The following ELMO1 variants were observed in gnomAD, a reference collection of about 807,000 sequenced individuals.
ELMO1 encodes engulfment and cell motility protein 1.
A neutral mutation model predicts 98.9 loss-of-function variants in ELMO1; 26 were observed. The ratio of observed to expected loss-of-function variants is 0.26; its 90% CI spans 0.19 to 0.36. The LOEUF (loss-of-function observed/expected upper bound fraction) is 0.36. Ranked by LOEUF, ELMO1 falls within the 10% of genes least tolerant of loss-of-function variation. The probability of loss-of-function intolerance (pLI) is 1.00; values close to 1 mark genes in which losing one functional copy is unlikely to be tolerated. For synonymous variants in ELMO1, 346 were observed against 346.0 expected (o/e 1.00, Z 0.00); for missense variants, 627 against 935.2 (o/e 0.67, Z 4.30).
intron 3 of ELMO1, 104 bp downstream of exon 3, chr7:37,315,816 G>A: frequency 1.9e-6 from 2 of 1,030,904 alleles, no homozygotes; most frequent in South Asian, 2.8e-5. Context: ...GAGCAAGTCA[G>A]TGGGTGACTT....
intron 11 of ELMO1, among the ~76,000 whole-genome samples, chr7:37,214,681 T>C (rs1584820002): frequency 1.3e-5 from 2 of 152,062 alleles, no homozygotes; most frequent in African/African-American, 4.8e-5. Context: ...TAACGGATGG[T>C]TAGGAGCAAA....
chr7:37,343,480 C>A (rs867511469), intron 1 of ELMO1, among the ~76,000 whole-genome samples: 1 of 144,844 alleles, frequency 6.9e-6, no homozygotes, highest in Middle Eastern at 3.6e-3. Flanking sequence ...CCCAGGCTAG[C>A]CCATTTCTTT....
chr7:37,206,434 T>C (rs1041131817), intron 13 of ELMO1, among the ~76,000 whole-genome samples: 1 of 152,214 alleles, frequency 6.6e-6, no homozygotes, highest in Non-Finnish European at 1.5e-5. Flanking sequence ...TGAAGCCTAG[T>C]AGCATTTAGA....
At chr7:37,251,442 T>C (rs1475181311) in intron 6 of ELMO1, among the ~76,000 whole-genome samples, 3 of 152,230 alleles carry the variant, frequency 2.0e-5, no homozygotes, top group Non-Finnish European at 4.4e-5. Context: ...ACTGTTCCTC[T>C]GTTACTGACT....
chr7:37,351,606 T>C (rs1010097240), intron 1 of ELMO1, among the ~76,000 whole-genome samples: 1 of 152,172 alleles, frequency 6.6e-6, no homozygotes, highest in African/African-American at 2.4e-5. Context: ...TTCCTTCAGT[T>C]CTCTGTACTA....
chr7:37,093,852 G>A (rs1278613690), intron 15 of ELMO1, among the ~76,000 whole-genome samples: 1 of 152,216 alleles, frequency 6.6e-6, no homozygotes, highest in Non-Finnish European at 1.5e-5. Flanking sequence ...GGGCTTTGCA[G>A]ATGATGGCAA....
rs1351382543 is a variant in ELMO1 at position 37,167,242 on chromosome 7, G to A, written c.1087-34008C>T. ...TGAGCCTATGTGTGTCTCTGCATGT[G>A]AGATGGGTTTCCTGAATACAGCACA... On this transcript the variant is annotated intron_variant, in intron 13 of 21. Coordinates refer to ENST00000310758, the MANE Select transcript of ELMO1 (RefSeq NM_014800.11). 2.6e-5 allele frequency among the ~76,000 whole-genome samples: 4 copies of A among 151,962 alleles called. No individual in the cohort carries two copies. In the East Asian group the frequency reaches 7.7e-4, roughly 29 times the overall value.
chr7:37,120,439 T>C (rs2541106), intron 14 of ELMO1, among the ~76,000 whole-genome samples: 14,611 of 152,224 alleles, frequency 0.096, 867 homozygotes, highest in African/African-American at 0.16. Flanking sequence ...ATACTGCGCT[T>C]TTCTGACGGT....
intron 1 of ELMO1, among the ~76,000 whole-genome samples, chr7:37,447,610 C>A (rs1054996444): frequency 6.6e-6 from 1 of 150,930 alleles, no homozygotes. Context: ...CACACACACA[C>A]ACACCGACTC....
intron 11 of ELMO1, among the ~76,000 whole-genome samples, chr7:37,215,442 G>A (rs1793225485): frequency 6.6e-6 from 1 of 152,140 alleles, no homozygotes; most frequent in Non-Finnish European, 1.5e-5. Flanking sequence ...CCCAGGTCTA[G>A]CCAATTCCTA....
chr7:36,888,280 A>G (rs184286582), intron 17 of ELMO1, among the ~76,000 whole-genome samples: 2 of 152,326 alleles, frequency 1.3e-5, no homozygotes, highest in Admixed American at 1.3e-4. Context: ...GGCTAATGCA[A>G]TATAATTTAG....
chr7:37,314,865 G>C lies in ELMO1; in HGVS notation c.177C>G (p.Phe59Leu), dbSNP rs1240982780. ...GTTGACCTACCTTTTCTGTGATATA[G>C]AAGTTTGAACTATCGGCATGCTGGA... The part of the protein sequence containing the change: ...FALQHADSSN[F>L]YITEKNRNEI... Residue 59 changes from phenylalanine (F) to leucine (L), a missense_variant, in exon 4 of 22, where the codon TTC (phenylalanine) becomes TTG (leucine). Physicochemically the swap from Phe to Leu is conservative, Grantham distance 22. Transcript: ENST00000310758. 1 of 1,613,482 alleles carries C rather than the reference G, an allele frequency of 6.2e-7. No individual in the cohort carries two copies. Among genetic ancestry groups the C allele is most frequent in the Admixed American group, 1.7e-5 (1 of 59,956 alleles).
chr7:37,365,577 G>A (rs909588353), intron 1 of ELMO1, among the ~76,000 whole-genome samples: 2 of 1,164 alleles, frequency 1.7e-3, no homozygotes, highest in Admixed American at 0.019. Flanking sequence ...TCTTTCTTAT[G>A]ACCAAAACTT....
At chr7:37,368,000 G>A (rs1801971935) in intron 1 of ELMO1, among the ~76,000 whole-genome samples, 1 of 152,128 alleles carries the variant, frequency 6.6e-6, no homozygotes, top group Admixed American at 6.5e-5. Flanking sequence ...AGCATCTTAG[G>A]AACGTAGGCA....
intron 16 of ELMO1, among the ~76,000 whole-genome samples, chr7:36,982,614 G>A (rs780584145): frequency 2.6e-5 from 4 of 152,106 alleles, no homozygotes; most frequent in Non-Finnish European, 5.9e-5. Context: ...CATAATACTA[G>A]GCAAGCATAG....
intron 8 of ELMO1, among the ~76,000 whole-genome samples, chr7:37,231,270 A>T (rs1243124612): frequency 6.6e-6 from 1 of 151,732 alleles, no homozygotes; most frequent in Non-Finnish European, 1.5e-5. Flanking sequence ...CATTCAACCG[A>T]TTAGGGCCAT....
At chr7:37,420,387 C>A (rs763136817) in intron 1 of ELMO1, among the ~76,000 whole-genome samples, 1 of 152,198 alleles carries the variant, frequency 6.6e-6, no homozygotes, top group African/African-American at 2.4e-5. Context: ...CTTGACTAAG[C>A]CCTGCCCATT....
chr7:36,903,094 C>A (rs1783700333), intron 16 of ELMO1, among the ~76,000 whole-genome samples: 2 of 152,174 alleles, frequency 1.3e-5, no homozygotes, highest in Admixed American at 1.3e-4. Flanking sequence ...GTCTACCTGC[C>A]CATCTCACAG....
At chr7:37,340,994 C>T (rs1215084898) in intron 2 of ELMO1, among the ~76,000 whole-genome samples, 2 of 152,224 alleles carry the variant, frequency 1.3e-5, no homozygotes, top group Non-Finnish European at 2.9e-5. Context: ...GATTAGTACT[C>T]GGGCTTGGGC....
Sources: allele counts gnomAD v4.1 joint callset (sites outside exome capture counted in the v4.1 genomes callset), GRCh38; gene constraint gnomAD v4.1.1; transcripts MANE v1.5; gene names NCBI Gene and HGNC (gene_info 2026-07-23, HGNC 2026-07-21).